The following RRP15 variants were observed in gnomAD, a reference collection of about 807,000 sequenced individuals.
RRP15 encodes the protein RRP15-like protein.
A neutral mutation model predicts 27.1 loss-of-function variants in RRP15; 18 were observed. The ratio of observed to expected loss-of-function variants is 0.66; its 90% CI spans 0.46 to 0.98. The LOEUF is 0.98. RRP15 is among the 50% of genes least tolerant of loss of function. RRP15 has a pLI of 0.00. For synonymous variants in RRP15, 107 were observed against 109.4 expected (o/e 0.98, Z 0.14); for missense variants, 359 against 337.8 (o/e 1.06, Z -0.49).
chr1:218,309,632 G>A (rs1228720225), intron 4 of RRP15, among the ~76,000 whole-genome samples: 2 of 136,392 alleles, frequency 1.5e-5, no homozygotes, highest in Non-Finnish European at 3.0e-5. Context: ...GCAGTGAGCC[G>A]AGATTGTGCC....
At chr1:218,298,983 G>A (rs923507394) in intron 1 of RRP15, among the ~76,000 whole-genome samples, 1 of 152,072 alleles carries the variant, frequency 6.6e-6, no homozygotes, top group African/African-American at 2.4e-5. Context: ...GGTGATTTCC[G>A]TCTATGCCCT....
intron 1 of RRP15, among the ~76,000 whole-genome samples, chr1:218,286,980 G>A (rs1655557928): frequency 6.6e-6 from 1 of 151,928 alleles, no homozygotes; most frequent in Admixed American, 6.6e-5. Context: ...TTGAGACAGG[G>A]TCTTGCTTTG....
rs1046437249 is a variant in RRP15, at chr1:218,331,778, T to C, written c.*687T>C. The C allele has an allele frequency of 5.0e-5, 7 of 140,850 alleles. No homozygotes were observed. The highest frequency in any genetic ancestry group is 1.5e-4 in the Admixed American group (2 of 13,318). The allele number at this position is 140,850 out of a possible 1,614,324, so 8.7% of individuals were successfully genotyped here. ...AGCACCGCCTCCCAGGTTCACGCCA[T>C]TCTCCCACCTCAACCTCTCAAGTAG... is the stretch of plus-strand genomic sequence containing the variant. On this transcript the variant is annotated 3_prime_UTR_variant, in exon 5 of 5. Coordinates refer to ENST00000366932, the MANE Select transcript of RRP15 (RefSeq NM_016052.4).
chr1:218,317,747 T>TA (rs376524335), intron 4 of RRP15, among the ~76,000 whole-genome samples: 7 of 121,662 alleles, frequency 5.8e-5, no homozygotes, highest in African/African-American at 2.2e-4. Flanking sequence ...TTTTTTTTTT[T>TA]AATTTAAAGA....
At chr1:218,317,024 C>T (rs1656099707) in intron 4 of RRP15, among the ~76,000 whole-genome samples, 1 of 152,144 alleles carries the variant, frequency 6.6e-6, no homozygotes, top group African/African-American at 2.4e-5. Context: ...TCTTGTTCCC[C>T]ATTTCCACTT....
At chr1:218,290,448 TTTTGTTTG>T (rs753287301) in intron 1 of RRP15, among the ~76,000 whole-genome samples, 6 of 151,208 alleles carry the variant, frequency 4.0e-5, no homozygotes, top group Non-Finnish European at 7.4e-5. Flanking sequence ...TTTTTGGGTT[TTTTGTTTG>T]TTTGTTTGTT....
chr1:218,331,888 C>T lies in RRP15; in HGVS notation c.*797C>T, dbSNP rs528731113. 6.6e-6 allele frequency: 1 copy of T among 151,864 alleles called. No homozygotes were observed. The highest frequency in any genetic ancestry group is 2.1e-4 in the South Asian group (1 of 4,806). The allele number at this position is 151,864 out of a possible 1,614,324, so 9.4% of individuals were successfully genotyped here. On this transcript the variant is annotated 3_prime_UTR_variant, in exon 5 of 5. Transcript: ENST00000366932. ...AGAGACGGGGTTTCACCATGTTAGCCAGGATGGTCTCAATCTCCTGACCTC... is the reference window on the plus strand; with the variant it reads ...AGAGACGGGGTTTCACCATGTTAGCTAGGATGGTCTCAATCTCCTGACCTC...
At chr1:218,328,390 C>T (rs143479613) in intron 4 of RRP15, among the ~76,000 whole-genome samples, 42 of 152,240 alleles carry the variant, frequency 2.8e-4, no homozygotes, top group African/African-American at 8.7e-4. Flanking sequence ...GGGCTGGGCA[C>T]GGTGGCTCAC....
intron 4 of RRP15, among the ~76,000 whole-genome samples, chr1:218,312,642 GCTGTT>G (rs1007713461): frequency 6.6e-6 from 1 of 152,122 alleles, no homozygotes; most frequent in African/African-American, 2.4e-5. Context: ...TGTTTTAGTA[GCTGTT>G]CTGGGTGGTA....
chr1:218,311,635 C>G (rs1351754679), intron 4 of RRP15, among the ~76,000 whole-genome samples: 2 of 152,128 alleles, frequency 1.3e-5, no homozygotes, highest in African/African-American at 2.4e-5. Flanking sequence ...TTGCTTTATC[C>G]CCTTCCTGGG....
At position 218,292,838 on chromosome 1, in the gene RRP15, G is replaced by A. The variant is rs79826154; in HGVS notation, c.139+7383G>A. On this transcript the variant is annotated intron_variant, in intron 1 of 4. Coordinates refer to ENST00000366932, the MANE Select transcript of RRP15 (RefSeq NM_016052.4). ...CAGTCTGCTCTCTGTCTTTCTAGTC[G>A]TGCTTATGGTACTCTATTGGCATAC... Among the ~76,000 whole-genome samples, 891 of 152,142 alleles carry A rather than the reference G, an allele frequency of 5.9e-3. 7 individuals are homozygous for A. The highest frequency in any genetic ancestry group is 0.019 in the African/African-American group (809 of 41,496).
chr1:218,306,649 A>G (rs1373669694), intron 3 of RRP15, among the ~76,000 whole-genome samples: 2 of 152,232 alleles, frequency 1.3e-5, no homozygotes, highest in African/African-American at 2.4e-5. Context: ...GTCTAAATCA[A>G]CGCTATCCAG....
chr1:218,302,566 T>G lies in RRP15; in HGVS notation c.405+7T>G, dbSNP rs762091288. On this transcript the variant is annotated splice_region_variant and intron_variant, in intron 2 of 4. Transcript: ENST00000366932. Reference sequence around the variant, plus strand: ...ACTAGAGAAAATAAAACAGGTATGTTCCACCAGTTCTCTTGTAGATTAGAT... The same window carrying G: ...ACTAGAGAAAATAAAACAGGTATGTGCCACCAGTTCTCTTGTAGATTAGAT... The G allele has an allele frequency of 1.2e-6, 2 of 1,609,056 alleles. No homozygotes were observed. The highest frequency in any genetic ancestry group is 2.2e-5 in the East Asian group (1 of 44,858).
intron 4 of RRP15, among the ~76,000 whole-genome samples, chr1:218,319,747 A>G (rs1656156747): frequency 6.6e-6 from 1 of 152,126 alleles, no homozygotes; most frequent in Non-Finnish European, 1.5e-5. Flanking sequence ...GCACTTTTAC[A>G]TATGTTTTCT....
chr1:218,305,225 A>G, intron 3 of RRP15, 100 bp downstream of exon 3: 1 of 841,934 alleles, frequency 1.2e-6, no homozygotes, highest in Non-Finnish European at 1.9e-6. Flanking sequence ...GCCTTCTCAG[A>G]GCCAAGTGAT....
At position 218,334,641 on chromosome 1, in the gene RRP15, T is replaced by G. The variant is rs1656422490; in HGVS notation, c.*3550T>G. ...CAGTTGACCAAAGCAGAATTCATTC[T>G]GTTCTTCCCTCAAATTCATCTATTA... On this transcript the variant is annotated 3_prime_UTR_variant, in exon 5 of 5. Transcript: ENST00000366932. The G allele has an allele frequency of 2.0e-5, 3 of 152,260 alleles. No homozygotes were observed. The highest frequency in any genetic ancestry group is 1.3e-4 in the Admixed American group (2 of 15,278). The allele number at this position is 152,260 out of a possible 1,614,324, so 9.4% of individuals were successfully genotyped here.
intron 3 of RRP15, 71 bp downstream of exon 3, chr1:218,305,196 A>C: frequency 8.4e-7 from 1 of 1,192,480 alleles, no homozygotes; most frequent in Non-Finnish European, 1.2e-6. Context: ...TTTTTGACCC[A>C]ATTTGATTCT....
chr1:218,313,104 A>C (rs1403263432), intron 4 of RRP15, among the ~76,000 whole-genome samples: 1 of 152,182 alleles, frequency 6.6e-6, no homozygotes, highest in Non-Finnish European at 1.5e-5. Context: ...AAGGAGGTAC[A>C]TGTAGAGGTT....
Position 218,303,267 on chromosome 1 carries a change from C to T in RRP15, c.405+708C>T, listed in dbSNP as rs188907653. Among the ~76,000 whole-genome samples, 22 of 152,302 alleles carry T rather than the reference C, an allele frequency of 1.4e-4. No homozygotes were observed. In the East Asian group the frequency reaches 3.9e-3, roughly 27 times the overall value. On this transcript the variant is annotated intron_variant, in intron 2 of 4. Coordinates refer to ENST00000366932, the MANE Select transcript of RRP15 (RefSeq NM_016052.4). The stretch of plus-strand genomic sequence containing the variant: ...AGAAAAATAACTTTCTACAAATGTA[C>T]TGGCAGCATAGAAGTACTAATTCCC...
Sources: allele counts gnomAD v4.1 joint callset (sites outside exome capture counted in the v4.1 genomes callset), GRCh38; gene constraint gnomAD v4.1.1; transcripts MANE v1.5; gene names NCBI Gene and HGNC (gene_info 2026-07-23, HGNC 2026-07-21).